The following USP54 variants were observed in gnomAD, a reference collection of about 807,000 sequenced individuals.
USP54 encodes ubiquitin carboxyl-terminal hydrolase 54.
In USP54, 87 loss-of-function variants were observed where a neutral mutation model predicts 170.5. The ratio of observed to expected loss-of-function variants is 0.51; its 90% CI spans 0.43 to 0.61. The LOEUF (loss-of-function observed/expected upper bound fraction) is 0.61. Among genes scored for constraint, USP54 ranks in the 20% least tolerant of loss-of-function variants. The pLI is 0.00. For synonymous variants in USP54, 655 were observed against 742.8 expected (o/e 0.88, Z 1.92); for missense variants, 1,786 against 2,047.8 (o/e 0.87, Z 2.47).
chr10:73,576,964 A>T lies in USP54; in HGVS notation c.-581-603T>A, dbSNP rs144666355. 1.9e-4 allele frequency among the ~76,000 whole-genome samples: 29 copies of T among 152,322 alleles called. No homozygotes were observed. The East Asian group carries it at 5.2e-3, about 27-fold the overall frequency. On this transcript the variant is annotated intron_variant, in intron 1 of 23. Transcript: ENST00000687698. ...ATTTTTGCCAGAGGATCAGAGAGAT[A>T]ATTTGGGTTACAAATCATTTAATCT...
intron 10 of USP54, among the ~76,000 whole-genome samples, chr10:73,539,116 T>C (rs191348685): frequency 2.0e-5 from 3 of 151,630 alleles, no homozygotes; most frequent in East Asian, 1.9e-4. Context: ...CTGTCTCTAC[T>C]AAAAATACAA....
In USP54 at chr10:73,565,409, G is replaced by A. The variant is rs189677370; in HGVS notation, c.240+6012C>T. ...CACCTGCCTGTGGTCCCAGCTACTCGGGAGGCAGAGGCAAGAGGATTCCTT... is the reference window on the plus strand; with the variant it reads ...CACCTGCCTGTGGTCCCAGCTACTCAGGAGGCAGAGGCAAGAGGATTCCTT... On this transcript the variant is annotated intron_variant, in intron 4 of 23. Transcript: ENST00000687698. 1.5e-4 allele frequency among the ~76,000 whole-genome samples: 23 copies of A among 152,046 alleles called. No individual in the cohort carries two copies. In the East Asian group the frequency reaches 3.1e-3, roughly 21 times the overall value.
chr10:73,584,433 A>C (rs956555169), intron 1 of USP54, among the ~76,000 whole-genome samples: 16 of 152,098 alleles, frequency 1.1e-4, no homozygotes, highest in African/African-American at 3.6e-4. Flanking sequence ...CCTACAATCC[A>C]CTGAGGGTTA....
rs762066643 is a variant in USP54 at position 73,542,850 on chromosome 10, C to T, written c.525G>A (p.Pro175=). The T allele has an allele frequency of 1.2e-5, 20 of 1,613,936 alleles. No homozygotes were observed. Among genetic ancestry groups the T allele is most frequent in the East Asian group, 1.1e-4 (5 of 44,878 alleles). Residue 175 remains proline (P), a synonymous_variant, in exon 7 of 24, where the codon CCG becomes CCA. Coordinates refer to ENST00000687698, the MANE Select transcript of USP54 (RefSeq NM_001391956.1). ...VCTSCGATSD[P]LPFIQMVHYI... The stretch of plus-strand genomic sequence containing the variant: ...AATGTACCATCTGGATGAAAGGCAG[C>T]GGATCAGAAGTGGCACCACAGCTAG...
At chr10:73,599,899 C>CTTTT (rs536461848) in intron 1 of USP54, among the ~76,000 whole-genome samples, 3,796 of 117,862 alleles carry the variant, frequency 0.032, 96 homozygotes, top group South Asian at 0.091. Context: ...GCACTTTGGG[C>CTTTT]TTTTTTTTTT....
chr10:73,517,850 G>A, intron 19 of USP54, 103 bp from the exon 20 acceptor site: 1 of 1,386,648 alleles, frequency 7.2e-7, no homozygotes, highest in Non-Finnish European at 9.8e-7. Context: ...TTCACACAGG[G>A]AATGGTAAAA....
intron 1 of USP54, among the ~76,000 whole-genome samples, chr10:73,606,620 T>C (rs2079650477): frequency 6.6e-6 from 1 of 152,250 alleles, no homozygotes; most frequent in Non-Finnish European, 1.5e-5. Context: ...GGCTCACGCC[T>C]GTAATCCCAG....
Position 73,585,692 on chromosome 10 carries a change from T to C in USP54, c.-582+5586A>G, listed in dbSNP as rs578164748. ...ATCATGTTCATGATTGTGATTTTTA[T>C]GCTGCATATTTTTGATATTCACATA... On this transcript the variant is annotated intron_variant, in intron 1 of 23. Transcript: ENST00000687698. Among the ~76,000 whole-genome samples the C allele has an allele frequency of 5.9e-5, 9 of 152,332 alleles. No homozygotes were observed. In the East Asian group the frequency reaches 1.7e-3, roughly 29 times the overall value.
rs575660464 is a variant in USP54 at position 73,566,588 on chromosome 10, G to A, written c.240+4833C>T. Among the ~76,000 whole-genome samples the A allele has an allele frequency of 1.8e-3, 279 of 151,614 alleles. 1 individual carries two copies. Among genetic ancestry groups the A allele is most frequent in the African/African-American group, 5.9e-3 (244 of 41,354 alleles). On this transcript the variant is annotated intron_variant, in intron 4 of 23. Coordinates refer to ENST00000687698, the MANE Select transcript of USP54 (RefSeq NM_001391956.1). ...TCTACTAAAAATACAAAAATTAGCC[G>A]GGCATGGTGACGTGCACCTGTAATC...
chr10:73,612,966 G>A (rs2080269832), intron 1 of USP54, among the ~76,000 whole-genome samples: 1 of 151,556 alleles, frequency 6.6e-6, no homozygotes. Flanking sequence ...GACCAGCCTT[G>A]GCAACATGGT....
At chr10:73,549,629 C>T (rs2068748724) in intron 4 of USP54, among the ~76,000 whole-genome samples, 1 of 152,036 alleles carries the variant, frequency 6.6e-6, no homozygotes. Context: ...TATCTAGACC[C>T]TATTCCACTC....
chr10:73,540,189 T>C (rs2066282791), intron 9 of USP54, among the ~76,000 whole-genome samples: 1 of 151,578 alleles, frequency 6.6e-6, no homozygotes, highest in South Asian at 2.1e-4. Flanking sequence ...GCCAGTAAAC[T>C]GGTATGGTGA....
chr10:73,608,358 G>C (rs753880505), intron 1 of USP54, among the ~76,000 whole-genome samples: 4 of 152,076 alleles, frequency 2.6e-5, no homozygotes, highest in Non-Finnish European at 4.4e-5. Flanking sequence ...AAATGAGTTT[G>C]ACTGTTTTTA....
chr10:73,506,783 T>C (rs996942625), intron 20 of USP54: 4 of 152,110 alleles, frequency 2.6e-5, no homozygotes, highest in Non-Finnish European at 5.9e-5. Flanking sequence ...TTGAACATTA[T>C]TGGGGGAAAT....
intron 4 of USP54, among the ~76,000 whole-genome samples, chr10:73,546,041 TG>T (rs1428734051): frequency 6.6e-6 from 1 of 152,218 alleles, no homozygotes; most frequent in African/African-American, 2.4e-5. Flanking sequence ...AATTATTTTC[TG>T]GGGGTTCATC....
intron 4 of USP54, 46 bp downstream of exon 4, chr10:73,571,375 T>C (rs1255101145): frequency 6.5e-7 from 1 of 1,532,936 alleles, no homozygotes; most frequent in South Asian, 1.1e-5. Flanking sequence ...TATTGACCAT[T>C]TGGCCACCCA....
Position 73,530,838 on chromosome 10 carries a change from G to GA in USP54, c.1316-4dup, listed in dbSNP as rs1258643255. ...ACATTCACTATCAGTCAGGTGTCCT[G>GA]AAAAAACAAGGAAATTGGGGTAAGC... On this transcript the variant is annotated splice_region_variant and splice_polypyrimidine_tract_variant and intron_variant, in intron 12 of 23. Coordinates refer to ENST00000687698, the MANE Select transcript of USP54 (RefSeq NM_001391956.1). The GA allele has an allele frequency of 5.6e-6, 9 of 1,613,436 alleles. No individual in the cohort carries two copies. The highest frequency in any genetic ancestry group is 5.9e-6 in the Non-Finnish European group (7 of 1,179,778).
chr10:73,520,879 C>A, intron 18 of USP54, 29 bp downstream of exon 18: 1 of 1,613,636 alleles, frequency 6.2e-7, no homozygotes, highest in Non-Finnish European at 8.5e-7. Flanking sequence ...GTCAAAAGTG[C>A]CACAGCCATA....
intron 10 of USP54, among the ~76,000 whole-genome samples, chr10:73,537,067 C>T (rs1279900154): frequency 6.6e-6 from 1 of 152,212 alleles, no homozygotes; most frequent in South Asian, 2.1e-4. Flanking sequence ...TCAACCCAAT[C>T]CTCAAACTCA....
Sources: gnomAD v4.1 joint callset for allele counts (sites outside exome capture counted in the v4.1 genomes callset) on GRCh38, gnomAD v4.1.1 for gene constraint, MANE v1.5 for transcripts, NCBI Gene and HGNC (gene_info 2026-07-23, HGNC 2026-07-21) for gene names.